Variants in MDGA2 observed in about 807,000 individuals in gnomAD.
MDGA2 encodes the protein MAM domain containing glycosylphosphatidylinositol anchor 2.
In MDGA2, 40 loss-of-function variants were observed where a neutral mutation model predicts 117.8. That is an observed-to-expected ratio of 0.34 (90% CI 0.26 to 0.44). The LOEUF is 0.44. MDGA2 is among the 20% of genes least tolerant of loss of function. The pLI, the probability that MDGA2 is intolerant of heterozygous loss-of-function variation, is 1.00. For missense variants in MDGA2, 1,123 were observed against 1,250.6 expected, an observed-to-expected ratio of 0.90 and a Z score of 1.54; for synonymous variants, 452 against 439.0, an observed-to-expected ratio of 1.03 and a Z score of -0.37.
chr14:47,070,765 C>G (rs1327033274), intron 6 of MDGA2, among the ~76,000 whole-genome samples: 1 of 152,206 alleles, frequency 6.6e-6, no homozygotes, highest in African/African-American at 2.4e-5. Context: ...GCCATCAAGC[C>G]TAGCTAATTT....
In MDGA2 at chr14:47,134,075, T is replaced by G. The variant is rs149418834; in HGVS notation, c.793-2229A>C. 8.5e-4 allele frequency among the ~76,000 whole-genome samples: 130 copies of G among 152,228 alleles called. 1 individual carries two copies. The highest frequency in any genetic ancestry group is 7.7e-3 in the East Asian group (40 of 5,184). ...TGTAAAATAATCATCACAATCGAGC[T>G]AATTAACATATACATAACCTCACAT... On this transcript the variant is annotated intron_variant, in intron 4 of 16. Coordinates refer to ENST00000399232, the MANE Select transcript of MDGA2 (RefSeq NM_001113498.3).
intron 1 of MDGA2, among the ~76,000 whole-genome samples, chr14:47,558,631 G>A (rs1382166893): frequency 6.6e-6 from 1 of 152,132 alleles, no homozygotes; most frequent in East Asian, 1.9e-4. Context: ...CATCCTCTTT[G>A]TCCATCTTGA....
chr14:47,468,917 A>G (rs985823160), intron 1 of MDGA2, among the ~76,000 whole-genome samples: 2 of 152,010 alleles, frequency 1.3e-5, no homozygotes, highest in Admixed American at 1.3e-4. Flanking sequence ...CTCCATACTG[A>G]GGGCTGAAAA....
At chr14:47,455,243 C>T (rs926422959) in intron 1 of MDGA2, among the ~76,000 whole-genome samples, 9 of 152,234 alleles carry the variant, frequency 5.9e-5, no homozygotes, top group East Asian at 3.9e-4. Context: ...CGGTGGCTCA[C>T]GCCTATAATC....
At position 46,868,481 on chromosome 14, in the gene MDGA2, G is replaced by GA. The variant is rs560192923; in HGVS notation, c.2752+4951dup. ...CTTCAGGCACAAGAGAGCTTTACCC[G>GA]AAAAACTTCAAGTATGACTGGAACA... On this transcript the variant is annotated intron_variant, in intron 14 of 16. Coordinates refer to ENST00000399232, the MANE Select transcript of MDGA2 (RefSeq NM_001113498.3). 3.1e-3 allele frequency among the ~76,000 whole-genome samples: 465 copies of GA among 151,818 alleles called. 6 individuals are homozygous for GA. Among genetic ancestry groups the GA allele is most frequent in the African/African-American group, 0.011 (451 of 41,440 alleles).
rs72117373 is a variant in MDGA2 at position 46,881,009 on chromosome 14, A to AACACACACACACACACAC, written c.2416+1017_2416+1034dup. 4.9e-3 allele frequency among the ~76,000 whole-genome samples: 710 copies of AACACACACACACACACAC among 145,676 alleles called. 2 individuals carry two copies. The highest frequency in any genetic ancestry group is 7.5e-3 in the Non-Finnish European group (497 of 66,246). On this transcript the variant is annotated intron_variant, in intron 11 of 16. Coordinates refer to ENST00000399232, the MANE Select transcript of MDGA2 (RefSeq NM_001113498.3). ...AGTTAATAAAAAGAAAACTATCACT[A>AACACACACACACACACAC]ACACACACACACACACACACACACA...
chr14:47,098,946 C>A (rs952141062), intron 5 of MDGA2, among the ~76,000 whole-genome samples: 2 of 151,812 alleles, frequency 1.3e-5, no homozygotes, highest in African/African-American at 2.4e-5. Context: ...TTTCAAAGCT[C>A]AAAAAATAAT....
At chr14:47,585,156 A>G (rs768902299) in intron 1 of MDGA2, among the ~76,000 whole-genome samples, 26 of 151,908 alleles carry the variant, frequency 1.7e-4, no homozygotes. Context: ...TATTCCAAAT[A>G]GGTAATTTGG....
intron 5 of MDGA2, among the ~76,000 whole-genome samples, chr14:47,099,094 T>C (rs1880151676): frequency 6.6e-6 from 1 of 151,920 alleles, no homozygotes; most frequent in Non-Finnish European, 1.5e-5. Flanking sequence ...GTGGCACTTA[T>C]TTTATCTGTT....
intron 4 of MDGA2, among the ~76,000 whole-genome samples, chr14:47,138,460 G>A (rs571941564): frequency 1.3e-5 from 2 of 152,168 alleles, no homozygotes; most frequent in Admixed American, 6.5e-5. Flanking sequence ...CTAATGGAAA[G>A]TGAATTTTCA....
intron 2 of MDGA2, among the ~76,000 whole-genome samples, chr14:47,297,819 G>T (rs765389877): frequency 6.6e-6 from 1 of 152,052 alleles, no homozygotes; most frequent in East Asian, 1.9e-4. Flanking sequence ...GCAGGATATA[G>T]GAATGCTAAA....
intron 3 of MDGA2, among the ~76,000 whole-genome samples, chr14:47,173,442 G>A (rs1216970719): frequency 1.3e-5 from 2 of 152,202 alleles, no homozygotes; most frequent in Non-Finnish European, 2.9e-5. Flanking sequence ...CAGACTAACA[G>A]CGGATCTCTC....
chr14:47,383,482 T>A (rs1277672489), intron 1 of MDGA2, among the ~76,000 whole-genome samples: 3 of 152,188 alleles, frequency 2.0e-5, no homozygotes, highest in Non-Finnish European at 4.4e-5. Context: ...AAATTCTGTG[T>A]GGAAAGTAAA....
intron 8 of MDGA2, among the ~76,000 whole-genome samples, chr14:46,991,840 C>A (rs1268145243): frequency 6.6e-6 from 1 of 152,078 alleles, no homozygotes; most frequent in African/African-American, 2.4e-5. Context: ...CTAGCTAGAT[C>A]ACTTGGCTAG....
intron 1 of MDGA2, among the ~76,000 whole-genome samples, chr14:47,345,457 G>A (rs552626170): frequency 2.6e-4 from 40 of 152,118 alleles, no homozygotes; most frequent in Admixed American, 5.9e-4. Flanking sequence ...TGCAAGTGAA[G>A]TATCAAGAGA....
intron 1 of MDGA2, among the ~76,000 whole-genome samples, chr14:47,602,151 C>T (rs182047456): frequency 2.0e-3 from 305 of 152,264 alleles, no homozygotes; most frequent in African/African-American, 7.0e-3. Context: ...GTAAGTGACA[C>T]ATATTTTGCT....
chr14:47,139,917 G>C (rs941415206), intron 4 of MDGA2, among the ~76,000 whole-genome samples: 2 of 149,190 alleles, frequency 1.3e-5, no homozygotes, highest in Admixed American at 1.4e-4. Flanking sequence ...TATGGAGAGA[G>C]GGAGAGAGAG....
chr14:46,900,092 T>C (rs992889852), intron 10 of MDGA2, among the ~76,000 whole-genome samples: 2 of 152,132 alleles, frequency 1.3e-5, no homozygotes, highest in African/African-American at 4.8e-5. Flanking sequence ...GAAGAAGATA[T>C]ACAGATGGAA....
In MDGA2 at chr14:47,133,144, C is replaced by A. The variant is rs536557444; in HGVS notation, c.793-1298G>T. On this transcript the variant is annotated intron_variant, in intron 4 of 16. Coordinates refer to ENST00000399232, the MANE Select transcript of MDGA2 (RefSeq NM_001113498.3). Reference sequence around the variant, plus strand: ...AAACAAACAAACAAAAAAAAACTACCTTTCAATTTTTGTTTAGAAGAAACA... The same window carrying A: ...AAACAAACAAACAAAAAAAAACTACATTTCAATTTTTGTTTAGAAGAAACA... 2.6e-5 allele frequency among the ~76,000 whole-genome samples: 4 copies of A among 151,402 alleles called. No individual in the cohort carries two copies. In the South Asian group the frequency reaches 8.3e-4, roughly 31 times the overall value.
Sources: allele counts gnomAD v4.1 joint callset (sites outside exome capture counted in the v4.1 genomes callset), GRCh38; gene constraint gnomAD v4.1.1; transcripts MANE v1.5; gene names NCBI Gene and HGNC (gene_info 2026-07-23, HGNC 2026-07-21).